Variants in GCA observed in about 807,000 individuals in gnomAD.
GCA encodes the protein grancalcin, EF-hand calcium-binding protein.
In GCA, 30 loss-of-function variants were observed where a neutral mutation model predicts 32.6. The observed-to-expected ratio is 0.92, with a 90% CI of 0.69 to 1.25. GCA has a LOEUF of 1.25. GCA is among the 50% of genes most tolerant of loss of function. The pLI is 0.00. For synonymous variants in GCA, 102 were observed against 84.6 expected (o/e 1.21, Z -1.13); for missense variants, 291 against 266.8 (o/e 1.09, Z -0.63).
At chr2:162,337,223 G>A (rs1684297838) in intron 1 of GCA, among the ~76,000 whole-genome samples, 1 of 152,216 alleles carries the variant, frequency 6.6e-6, no homozygotes, top group African/African-American at 2.4e-5. Context: ...AGGGAGAAGA[G>A]TGAGGTTTTG....
upstream of GCA, chr2:162,318,931 T>C (rs1210575061): frequency 1.2e-5 from 3 of 256,666 alleles, no homozygotes; most frequent in South Asian, 7.2e-5. Flanking sequence ...GCCTTAACAA[T>C]AAGGTCCTTT....
intron 1 of GCA, among the ~76,000 whole-genome samples, chr2:162,324,393 G>A (rs1375749564): frequency 3.3e-5 from 5 of 152,174 alleles, no homozygotes; most frequent in East Asian, 1.9e-4. Flanking sequence ...GCCACTCAGC[G>A]GCCTGGGCTC....
chr2:162,354,745 T>A (rs1381188872), intron 3 of GCA, among the ~76,000 whole-genome samples: 3 of 152,174 alleles, frequency 2.0e-5, no homozygotes, highest in Admixed American at 6.5e-5. Flanking sequence ...ATCCATCAGC[T>A]CTTCAACTTG....
At chr2:162,324,897 C>T (rs1026831203) in intron 1 of GCA, among the ~76,000 whole-genome samples, 2 of 152,134 alleles carry the variant, frequency 1.3e-5, no homozygotes, top group Admixed American at 1.3e-4. Context: ...GGCACAGACT[C>T]CTCCCAGAGG....
chr2:162,360,164 A>G (rs1558904847), intron 7 of GCA, 53 bp from the exon 8 acceptor site: 1 of 1,127,834 alleles, frequency 8.9e-7, no homozygotes, highest in African/African-American at 1.6e-5. Flanking sequence ...TTAGTCAAAA[A>G]TAATTAAAAA....
intron 7 of GCA, among the ~76,000 whole-genome samples, chr2:162,359,875 T>C (rs959456635): frequency 6.6e-6 from 1 of 151,288 alleles, no homozygotes; most frequent in African/African-American, 2.4e-5. Flanking sequence ...GTGATATTTT[T>C]TCTCAGGGAG....
At chr2:162,364,074 A>G (rs1236595946), downstream of GCA, among the ~76,000 whole-genome samples, 1 of 151,466 alleles carries the variant, frequency 6.6e-6, no homozygotes, top group Non-Finnish European at 1.5e-5. Context: ...TAATAGCAAT[A>G]TTTGGGAACA....
At chr2:162,369,900 C>A (rs1316889636) in intron 4 of GCA, among the ~76,000 whole-genome samples, 1 of 152,070 alleles carries the variant, frequency 6.6e-6, no homozygotes, top group Non-Finnish European at 1.5e-5. Flanking sequence ...CTGCATAACA[C>A]CAAATAGTTT....
At chr2:162,356,696 C>A in intron 4 of GCA, 62 bp from the exon 5 acceptor site, 1 of 1,281,274 alleles carries the variant, frequency 7.8e-7, no homozygotes. Context: ...ATGTTTTAGT[C>A]AATGATTTAG....
At chr2:162,363,753 A>G (rs1685667607), downstream of GCA, among the ~76,000 whole-genome samples, 1 of 151,448 alleles carries the variant, frequency 6.6e-6, no homozygotes, top group African/African-American at 2.4e-5. Flanking sequence ...GTTTTTAAAA[A>G]TATGTTTTTC....
At chr2:162,320,556 A>G (rs963532253) in intron 1 of GCA, among the ~76,000 whole-genome samples, 1 of 152,238 alleles carries the variant, frequency 6.6e-6, no homozygotes, top group Non-Finnish European at 1.5e-5. Flanking sequence ...TATTTTCTTC[A>G]TACCACTTAA....
chr2:162,365,849 A>T (rs567849653), downstream of GCA, among the ~76,000 whole-genome samples: 12 of 151,756 alleles, frequency 7.9e-5, no homozygotes, highest in African/African-American at 2.7e-4. Context: ...TTTCAGTGCT[A>T]TTATAAATAA....
upstream of GCA, among the ~76,000 whole-genome samples, chr2:162,343,007 C>A (rs1166401106): frequency 6.6e-6 from 1 of 152,210 alleles, no homozygotes. Flanking sequence ...GCTAGGACAT[C>A]GGCAATCTTC....
chr2:162,350,414 T>G (rs1439650657), intron 2 of GCA, among the ~76,000 whole-genome samples: 2 of 152,172 alleles, frequency 1.3e-5, no homozygotes, highest in Admixed American at 6.5e-5. Context: ...TCAGACCTAT[T>G]GTATGAAACA....
At chr2:162,347,550 C>T in intron 1 of GCA, 28 bp from the exon 2 acceptor site, 9 of 1,471,270 alleles carry the variant, frequency 6.1e-6, no homozygotes, top group Non-Finnish European at 8.4e-6. Flanking sequence ...ATTTATATTA[C>T]TAACCTTCTC....
At chr2:162,341,092 A>AGG (rs1684426151), upstream of GCA, among the ~76,000 whole-genome samples, 1 of 151,922 alleles carries the variant, frequency 6.6e-6, no homozygotes, top group Non-Finnish European at 1.5e-5. Flanking sequence ...AAAAGCAAGG[A>AGG]CATTCCTCCC....
intron 3 of GCA, among the ~76,000 whole-genome samples, chr2:162,354,537 G>A (rs1005618939): frequency 3.9e-5 from 6 of 152,168 alleles, no homozygotes; most frequent in African/African-American, 1.2e-4. Flanking sequence ...AACCGAGGCA[G>A]GGAGGGGATA....
intron 3 of GCA, among the ~76,000 whole-genome samples, chr2:162,355,324 A>T (rs1685212204): frequency 6.6e-6 from 1 of 152,170 alleles, no homozygotes; most frequent in Non-Finnish European, 1.5e-5. Flanking sequence ...TCTAACATTG[A>T]TACTATATTA....
chr2:162,347,805 C>A, intron 2 of GCA, 63 bp downstream of exon 2: 1 of 970,996 alleles, frequency 1.0e-6, no homozygotes, highest in East Asian at 2.7e-5. Flanking sequence ...GAAATGTCAG[C>A]TATTTAGAGT....
Sources: allele counts gnomAD v4.1 joint callset (sites outside exome capture counted in the v4.1 genomes callset), GRCh38; gene constraint gnomAD v4.1.1; transcripts MANE v1.5; gene names NCBI Gene and HGNC (gene_info 2026-07-23, HGNC 2026-07-21).